The following NEO1 variants were observed in gnomAD, a reference collection of about 807,000 sequenced individuals.
NEO1 encodes the protein neogenin.
A neutral mutation model predicts 159.7 loss-of-function variants in NEO1; 63 were observed. The ratio of observed to expected loss-of-function variants is 0.39; its 90% CI spans 0.32 to 0.49. The LOEUF (loss-of-function observed/expected upper bound fraction) is 0.49. NEO1 is among the 20% of genes least tolerant of loss of function. NEO1 has a pLI of 0.85. For missense variants in NEO1, 1,615 were observed against 1,831.0 expected (o/e 0.88, Z 2.15); for synonymous variants, 633 against 662.0 (o/e 0.96, Z 0.67).
chr15:73,240,704 C>A (rs1315950053), intron 8 of NEO1, among the ~76,000 whole-genome samples: 1 of 152,150 alleles, frequency 6.6e-6, no homozygotes, highest in African/African-American at 2.4e-5. Flanking sequence ...AGCCTAGATA[C>A]GTGCTAGTCG....
rs1486487222 is a variant in NEO1, at chr15:73,195,790, C to T, written c.1291+17363C>T. Among the ~76,000 whole-genome samples the T allele has an allele frequency of 3.9e-5, 6 of 152,100 alleles. No individual in the cohort carries two copies. In the South Asian group the frequency reaches 1.2e-3, roughly 31 times the overall value. On this transcript the variant is annotated intron_variant, in intron 7 of 28. Transcript: ENST00000261908. ...AATTTTAGAGTTCCTCTTCATTTTA[C>T]ACTCTTTTACAAATTTGAGTAGTTG...
intron 1 of NEO1, among the ~76,000 whole-genome samples, chr15:73,110,930 A>G (rs894064334): frequency 6.6e-6 from 1 of 152,170 alleles, no homozygotes; most frequent in South Asian, 2.1e-4. Context: ...TTAGAAAATA[A>G]TCTCCTGTTC....
At chr15:73,257,162 T>A (rs1430907036) in intron 13 of NEO1, among the ~76,000 whole-genome samples, 1 of 133,392 alleles carries the variant, frequency 7.5e-6, no homozygotes, top group Non-Finnish European at 1.5e-5. Flanking sequence ...AAGTTTCATA[T>A]TTTACTCTAC....
intron 1 of NEO1, among the ~76,000 whole-genome samples, chr15:73,057,111 A>G (rs2067745707): frequency 6.6e-6 from 1 of 152,310 alleles, no homozygotes; most frequent in South Asian, 2.1e-4. Flanking sequence ...TACCTTACCT[A>G]CCTAACTGGA....
At chr15:73,102,484 T>C (rs969677429) in intron 1 of NEO1, among the ~76,000 whole-genome samples, 1 of 152,194 alleles carries the variant, frequency 6.6e-6, no homozygotes, top group Non-Finnish European at 1.5e-5. Flanking sequence ...TTGTAGTCTG[T>C]CATCTGTTTA....
chr15:73,054,244 G>A (rs1201578213), intron 1 of NEO1, among the ~76,000 whole-genome samples: 1 of 152,190 alleles, frequency 6.6e-6, no homozygotes, highest in Non-Finnish European at 1.5e-5. Flanking sequence ...AAATTCATAT[G>A]TAGTTCACCA....
chr15:73,075,115 C>G (rs893495729), intron 1 of NEO1, among the ~76,000 whole-genome samples: 3 of 152,144 alleles, frequency 2.0e-5, no homozygotes, highest in African/African-American at 7.2e-5. Context: ...ATTTAAGTTC[C>G]TCTGACATGA....
intron 1 of NEO1, among the ~76,000 whole-genome samples, chr15:73,097,916 T>TA (rs2070168191): frequency 6.6e-6 from 1 of 150,672 alleles, no homozygotes; most frequent in African/African-American, 2.5e-5. Context: ...AGCTAGGAAA[T>TA]ACCTATTTTT....
intron 7 of NEO1, among the ~76,000 whole-genome samples, chr15:73,188,353 A>G (rs1351773564): frequency 6.6e-6 from 1 of 152,188 alleles, no homozygotes; most frequent in Non-Finnish European, 1.5e-5. Flanking sequence ...TTAAAATTAA[A>G]TTCAGATTAT....
At chr15:73,228,418 T>G (rs1348858262) in intron 7 of NEO1, among the ~76,000 whole-genome samples, 1 of 152,016 alleles carries the variant, frequency 6.6e-6, no homozygotes, top group African/African-American at 2.4e-5. Context: ...TAACTTTGGT[T>G]GTTTTCTTAA....
At position 73,122,750 on chromosome 15, in the gene NEO1, G is replaced by C; in HGVS notation, c.674G>C (p.Ser225Thr). 1 of 1,614,242 alleles carries C rather than the reference G, an allele frequency of 6.2e-7. No individual in the cohort carries two copies. Among genetic ancestry groups the C allele is most frequent in the Non-Finnish European group, 8.5e-7 (1 of 1,180,032 alleles). The change falls in exon 3 of 29, where the codon AGT becomes ACT. Residue 225 changes from serine to threonine, a missense_variant. This residue lies in a region of NEO1 where 1,018 missense variants were observed against 1,115.4 expected (regional missense o/e 0.91). Coordinates refer to ENST00000261908, the MANE Select transcript of NEO1 (RefSeq NM_002499.4). ...GGGCTTTATCGCTGCGTAGTGGAAAGTGGTGGGCCACCAAAGTATAGTGAT... is the reference window on the plus strand; with the variant it reads ...GGGCTTTATCGCTGCGTAGTGGAAACTGGTGGGCCACCAAAGTATAGTGAT... Reference protein sequence around the residue: ...DGGLYRCVVESGGPPKYSDEV... With the variant: ...DGGLYRCVVETGGPPKYSDEV...
At chr15:73,074,701 T>C (rs916776714) in intron 1 of NEO1, among the ~76,000 whole-genome samples, 1 of 152,288 alleles carries the variant, frequency 6.6e-6, no homozygotes, top group South Asian at 2.1e-4. Flanking sequence ...CTCTTCTCTG[T>C]GTGCCCACTT....
At chr15:73,190,376 G>GAGT (rs2036173757) in intron 7 of NEO1, among the ~76,000 whole-genome samples, 1 of 152,146 alleles carries the variant, frequency 6.6e-6, no homozygotes, top group Non-Finnish European at 1.5e-5. Context: ...CATGAAAAGG[G>GAGT]AGTAACATCA....
intron 4 of NEO1, among the ~76,000 whole-genome samples, chr15:73,131,517 T>C (rs2031131637): frequency 6.6e-6 from 1 of 152,244 alleles, no homozygotes; most frequent in Non-Finnish European, 1.5e-5. Context: ...TTATCTGATG[T>C]ATCTGCAAGA....
At chr15:73,087,860 T>G (rs1470539655) in intron 1 of NEO1, among the ~76,000 whole-genome samples, 2 of 152,156 alleles carry the variant, frequency 1.3e-5, no homozygotes, top group African/African-American at 4.8e-5. Context: ...ATTTTATTTC[T>G]GGACCCAGTG....
intron 3 of NEO1, among the ~76,000 whole-genome samples, chr15:73,123,577 T>C (rs186337035): frequency 5.9e-5 from 9 of 152,314 alleles, no homozygotes; most frequent in Non-Finnish European, 1.0e-4. Context: ...CAGTCTTTCT[T>C]CTTTTTGTGT....
At chr15:73,126,954 G>A (rs1399203577) in intron 4 of NEO1, among the ~76,000 whole-genome samples, 1 of 152,036 alleles carries the variant, frequency 6.6e-6, no homozygotes, top group Non-Finnish European at 1.5e-5. Context: ...AAACTGGGCT[G>A]GCCACAGTGG....
chr15:73,178,541 T>C (rs2035411995), intron 7 of NEO1, 114 bp downstream of exon 7: 1 of 1,104,340 alleles, frequency 9.1e-7, no homozygotes, highest in Non-Finnish European at 1.2e-6. Context: ...ATATGTGGCA[T>C]AGCTAAGAGA....
chr15:73,086,684 C>CTTTT (rs56321563), intron 1 of NEO1, among the ~76,000 whole-genome samples: 4 of 122,038 alleles, frequency 3.3e-5, no homozygotes, highest in African/African-American at 6.4e-5. Context: ...TTCTAGATTT[C>CTTTT]TTTTTTTTTT....
Sources: gnomAD v4.1 joint callset for allele counts (sites outside exome capture counted in the v4.1 genomes callset) on GRCh38, gnomAD v4.1.1 for gene constraint, gnomAD v4.1.1 regional missense constraint, MANE v1.5 for transcripts, NCBI Gene and HGNC (gene_info 2026-07-23, HGNC 2026-07-21) for gene names.